The following JAKMIP3 variants were observed in gnomAD, a reference collection of about 807,000 sequenced individuals.
JAKMIP3 encodes the protein Janus kinase and microtubule interacting protein 3, also known as janus kinase and microtubule-interacting protein 3.
Under a neutral mutation model 118.5 loss-of-function variants are expected in JAKMIP3, and 58 were observed. The ratio of observed to expected loss-of-function variants is 0.49; its 90% CI spans 0.40 to 0.61. The LOEUF (loss-of-function observed/expected upper bound fraction) is 0.61. JAKMIP3 is among the 20% of genes least tolerant of loss of function. JAKMIP3 has a pLI of 0.00. For missense variants in JAKMIP3, 950 were observed against 1,109.0 expected (o/e 0.86, Z 2.04); for synonymous variants, 486 against 451.2 (o/e 1.08, Z -0.98).
rs868452528 is a variant in JAKMIP3, at chr10:132,097,343, C to T, written c.-137-7329C>T. 8.6e-5 allele frequency among the ~76,000 whole-genome samples: 13 copies of T among 151,998 alleles called. No individual in the cohort carries two copies. In the East Asian group the frequency reaches 1.9e-3, roughly 23 times the overall value. On this transcript the variant is annotated intron_variant, in intron 1 of 23. Coordinates refer to ENST00000684848, the MANE Select transcript of JAKMIP3 (RefSeq NM_001323087.2). ...GAAGGGTGAACCGTGGGCCACTCCG[C>T]GGTGAGAAGGGGTGAACTGTGGGTC...
rs938664477 is a variant in JAKMIP3 at position 132,168,544 on chromosome 10, C to T, written c.*614C>T. 2.6e-5 allele frequency: 11 copies of T among 423,322 alleles called. No homozygotes were observed. Among genetic ancestry groups the T allele is most frequent in the Non-Finnish European group, 4.2e-5 (10 of 240,400 alleles). The allele number at this position is 423,322 out of a possible 1,614,324, so 26.2% of individuals were successfully genotyped here. A position where few individuals can be genotyped will look rare whatever the true frequency, so the allele number is the denominator to read the frequency against. On this transcript the variant is annotated 3_prime_UTR_variant, in exon 23 of 24. Coordinates refer to ENST00000684848, the MANE Select transcript of JAKMIP3 (RefSeq NM_001323087.2). Reference sequence around the variant, plus strand: ...TGAGCACCCGCTGGCCAACAGACCCCACATCCACCCTCGTTCATCATCATC... The same window carrying T: ...TGAGCACCCGCTGGCCAACAGACCCTACATCCACCCTCGTTCATCATCATC...
intron 19 of JAKMIP3, among the ~76,000 whole-genome samples, chr10:132,155,240 G>T (rs958914604): frequency 6.6e-6 from 1 of 151,900 alleles, no homozygotes; most frequent in African/African-American, 2.4e-5. Flanking sequence ...TGGTGGTGGT[G>T]GTGATGAGGA....
In JAKMIP3 at chr10:132,142,482, C is replaced by T. The variant is rs368844317; in HGVS notation, c.1602+434C>T. ...GAGCTCACACAGGCTGTGCCTGCCC[C>T]GGCCCCGGCCCCGGCCCCTCTCCCC... is the stretch of plus-strand genomic sequence containing the variant. On this transcript the variant is annotated intron_variant, in intron 11 of 23. Transcript: ENST00000684848. Among the ~76,000 whole-genome samples, 172 of 138,272 alleles carry T rather than the reference C, an allele frequency of 1.2e-3. 1 individual carries two copies. Among genetic ancestry groups the T allele is most frequent in the African/African-American group, 4.6e-3 (152 of 33,210 alleles). The allele number at this position is 138,272 out of a possible 152,430, so 90.7% of individuals were successfully genotyped here.
chr10:132,139,560 G>T (rs1373464095), intron 9 of JAKMIP3, among the ~76,000 whole-genome samples: 2 of 152,230 alleles, frequency 1.3e-5, no homozygotes, highest in Non-Finnish European at 1.5e-5. Context: ...TTTTCTCGCT[G>T]TTAGACTGTG....
chr10:132,111,349 A>C (rs1589837910), intron 2 of JAKMIP3, among the ~76,000 whole-genome samples: 1 of 151,208 alleles, frequency 6.6e-6, no homozygotes, highest in African/African-American at 2.4e-5. Flanking sequence ...TGGAGCAGAG[A>C]CCCCCCCCAT....
upstream of JAKMIP3, among the ~76,000 whole-genome samples, chr10:132,060,579 T>G (rs2038363630): frequency 6.6e-6 from 1 of 152,196 alleles, no homozygotes; most frequent in East Asian, 1.9e-4. Flanking sequence ...GCAGGCTATC[T>G]CGCATGAATT....
At chr10:132,080,503 ATTT>A (rs201838731) in intron 1 of JAKMIP3, among the ~76,000 whole-genome samples, 27 of 61,556 alleles carry the variant, frequency 4.4e-4, no homozygotes, top group African/African-American at 1.3e-3. Context: ...AAGTTATAGG[ATTT>A]TTTTTTTTTT....
chr10:132,057,321 C>T (rs937473035), intron 1 of JAKMIP3, among the ~76,000 whole-genome samples: 13 of 152,302 alleles, frequency 8.5e-5, no homozygotes, highest in African/African-American at 1.9e-4. Flanking sequence ...ACTGGCTGGA[C>T]GTGCATTGGG....
At chr10:132,048,785 C>T (rs2038011370) in intron 1 of JAKMIP3, among the ~76,000 whole-genome samples, 1 of 132,302 alleles carries the variant, frequency 7.6e-6, no homozygotes, top group African/African-American at 2.6e-5. Flanking sequence ...TACAGGCACC[C>T]GCCACCACCC....
intron 19 of JAKMIP3, among the ~76,000 whole-genome samples, chr10:132,160,054 CGGTGGCCTCTTCCTGTGTG>C (rs2057886875): frequency 2.6e-4 from 1 of 3,820 alleles, no homozygotes; most frequent in African/African-American, 1.7e-3. Flanking sequence ...GTGATGCAGG[CGGTGGCCTCTTCCTGTGTG>C]ATGCTGGGGG....
intron 1 of JAKMIP3, among the ~76,000 whole-genome samples, chr10:132,082,756 G>A (rs569537298): frequency 3.3e-5 from 5 of 152,108 alleles, no homozygotes; most frequent in South Asian, 2.1e-4. Flanking sequence ...GACTACAGGC[G>A]CCTGCCACCA....
chr10:132,099,588 A>G (rs7895242), intron 1 of JAKMIP3, among the ~76,000 whole-genome samples: 93,066 of 151,952 alleles, frequency 0.61, 28,746 homozygotes, highest in East Asian at 0.71. Flanking sequence ...GTGCAAACTC[A>G]ACCTCTCTTG....
chr10:132,120,490 T>G (rs1736941067), intron 3 of JAKMIP3, among the ~76,000 whole-genome samples: 2 of 152,234 alleles, frequency 1.3e-5, no homozygotes, highest in African/African-American at 4.8e-5. Context: ...CAGTTCACCC[T>G]CAGCCCCATT....
At chr10:132,159,218 GCATCTCTCCC>G in intron 19 of JAKMIP3, among the ~76,000 whole-genome samples, 1 of 94,134 alleles carries the variant, frequency 1.1e-5, no homozygotes, top group Non-Finnish European at 2.1e-5. Context: ...TGCTGTGGGG[GCATCTCTCCC>G]TGTGTGATGC....
rs1228554930 is a variant in JAKMIP3 at position 132,082,035 on chromosome 10, A to C, written c.-138+15974A>C. Among the ~76,000 whole-genome samples the C allele has an allele frequency of 2.0e-5, 3 of 148,736 alleles. No individual in the cohort carries two copies. The South Asian group carries it at 6.5e-4, about 32-fold the overall frequency. ...TCTGTGGGTCGGCTTTACCCTCCTCATTGTGAGTCCCAGGTCTCTGCTCAT... is the reference window on the plus strand; with the variant it reads ...TCTGTGGGTCGGCTTTACCCTCCTCCTTGTGAGTCCCAGGTCTCTGCTCAT... On this transcript the variant is annotated intron_variant, in intron 1 of 23. Transcript: ENST00000684848.
At chr10:132,150,163 C>A in intron 16 of JAKMIP3, 122 bp downstream of exon 16, 2 of 708,042 alleles carry the variant, frequency 2.8e-6, no homozygotes, top group Non-Finnish European at 4.7e-6. Context: ...CTGCCTGAGA[C>A]CCTCCACTAG....
chr10:132,064,979 G>A (rs1402427885), upstream of JAKMIP3, among the ~76,000 whole-genome samples: 1 of 152,182 alleles, frequency 6.6e-6, no homozygotes, highest in East Asian at 1.9e-4. The surrounding 1 kb of genome is among the most constrained non-coding windows in gnomAD (Gnocchi z 4.4). Flanking sequence ...AGGCAGAGCG[G>A]GCTGGGAGCA....
rs2047791389 is a variant in JAKMIP3 at position 132,117,021 on chromosome 10, T to C, written c.136-56T>C. 4.5e-6 allele frequency: 7 copies of C among 1,549,164 alleles called. No homozygotes were observed. The Admixed American group carries it at 1.3e-4, about 28-fold the overall frequency. On this transcript the variant is annotated intron_variant, in intron 2 of 23. Coordinates refer to ENST00000684848, the MANE Select transcript of JAKMIP3 (RefSeq NM_001323087.2). The surrounding 1 kb of genome is among the most constrained non-coding windows in gnomAD (Gnocchi z 8.6). ...GCTCCCCCAAATGCACATTCAGGTG[T>C]GAGTGTGTGCATGGCTGGAGCTCCT...
chr10:132,114,017 C>T (rs1451264225), intron 2 of JAKMIP3, among the ~76,000 whole-genome samples: 2 of 152,238 alleles, frequency 1.3e-5, no homozygotes, highest in Non-Finnish European at 2.9e-5. Flanking sequence ...GGGCCAGGCC[C>T]AAGCCCAACC....
Sources: gnomAD v4.1 joint callset for allele counts (sites outside exome capture counted in the v4.1 genomes callset) on GRCh38, gnomAD v4.1.1 for gene constraint, Gnocchi (gnomAD v3.1) non-coding constraint, MANE v1.5 for transcripts, NCBI Gene and HGNC (gene_info 2026-07-23, HGNC 2026-07-21) for gene names.